Variants in NAV3 observed in about 807,000 individuals in gnomAD.
The protein encoded by NAV3 is neuron navigator 3.
Under a neutral mutation model 244.7 loss-of-function variants are expected in NAV3, and 87 were observed. The observed-to-expected ratio is 0.36, with a 90% CI of 0.30 to 0.42. The LOEUF (loss-of-function observed/expected upper bound fraction) is 0.42, where lower values mean the gene tolerates loss of function less well. Among genes scored for constraint, NAV3 ranks in the 20% least tolerant of loss-of-function variants. NAV3 has a pLI of 1.00. For synonymous variants in NAV3, 1,126 were observed against 1,042.2 expected (o/e 1.08, Z -1.55); for missense variants, 2,663 against 2,893.3 (o/e 0.92, Z 1.83).
chr12:78,196,291 G>T (rs770439497), intron 34 of NAV3, among the ~76,000 whole-genome samples: 17 of 151,868 alleles, frequency 1.1e-4, no homozygotes, highest in Non-Finnish European at 1.9e-4. Context: ...ATTACTAAAT[G>T]CCTCAAAATC....
At chr12:77,826,279 A>C (rs1872999215), upstream of NAV3, among the ~76,000 whole-genome samples, 1 of 152,166 alleles carries the variant, frequency 6.6e-6, no homozygotes, top group Non-Finnish European at 1.5e-5. Flanking sequence ...AGGCCAAGGC[A>C]GGTGGATCAC....
intron 1 of NAV3, among the ~76,000 whole-genome samples, chr12:77,878,143 G>A (rs1347482565): frequency 6.6e-6 from 1 of 152,070 alleles, no homozygotes. Context: ...GTACCTGAAT[G>A]AGAACATGGG....
At chr12:78,161,009 A>G (rs1957522225) in intron 23 of NAV3, among the ~76,000 whole-genome samples, 1 of 151,066 alleles carries the variant, frequency 6.6e-6, no homozygotes, top group African/African-American at 2.4e-5. Context: ...TCACTTCACT[A>G]TGTAATATAA....
intron 17 of NAV3, among the ~76,000 whole-genome samples, chr12:78,127,673 G>C (rs1955976040): frequency 6.6e-6 from 1 of 152,204 alleles, no homozygotes; most frequent in South Asian, 2.1e-4. Flanking sequence ...AATGTTGATA[G>C]GTTGAAGGAT....
At chr12:77,952,894 G>A (rs1891033904) in intron 3 of NAV3, among the ~76,000 whole-genome samples, 1 of 152,016 alleles carries the variant, frequency 6.6e-6, no homozygotes, top group South Asian at 2.1e-4. Context: ...GTTGTTATAT[G>A]TAACTTGAGC....
intron 5 of NAV3, among the ~76,000 whole-genome samples, chr12:77,994,536 A>T (rs1030690372): frequency 1.2e-5 from 1 of 84,508 alleles, no homozygotes; most frequent in African/African-American, 6.5e-5. Flanking sequence ...TTAAAATATT[A>T]ATAATATTAC....
At chr12:77,710,804 G>A (rs1315603027) in intron 2 of NAV3, among the ~76,000 whole-genome samples, 2 of 151,970 alleles carry the variant, frequency 1.3e-5, no homozygotes, top group African/African-American at 4.8e-5. Context: ...AAAAATTTAA[G>A]TCCTCTTTTT....
chr12:77,766,735 G>GTTTTTT lies in NAV3; in HGVS notation c.73-173553_73-173548dup, dbSNP rs748531378. On this transcript the variant is annotated intron_variant, in intron 2 of 8. Transcript: ENST00000550042. ...AGGATTCTAAAAAACAGGCAATTAA[G>GTTTTTT]TTTTTTTTTTTTTTTTTTTTTTTTT... Among the ~76,000 whole-genome samples the GTTTTTT allele has an allele frequency of 1.7e-4, 10 of 60,514 alleles. 1 individual carries two copies. The highest frequency in any genetic ancestry group is 6.3e-4 in the African/African-American group (10 of 15,832). 39.7% of individuals were successfully genotyped at this position (60,514 alleles called of 152,430 possible). A position where few individuals can be genotyped will look rare whatever the true frequency, so the allele number is the denominator to read the frequency against.
intron 1 of NAV3, among the ~76,000 whole-genome samples, chr12:77,888,101 G>A (rs900701590): frequency 2.7e-5 from 4 of 150,818 alleles, no homozygotes; most frequent in African/African-American, 7.3e-5. Flanking sequence ...GGTAAAATAT[G>A]ATGATTTTAA....
chr12:77,802,463 G>A (rs1018013546), intron 2 of NAV3, among the ~76,000 whole-genome samples: 39 of 152,198 alleles, frequency 2.6e-4, no homozygotes, highest in African/African-American at 7.7e-4. Context: ...GGTCATCTGT[G>A]ACTTTTAGGA....
At chr12:77,985,794 C>A (rs937836730) in intron 5 of NAV3, among the ~76,000 whole-genome samples, 1 of 152,034 alleles carries the variant, frequency 6.6e-6, no homozygotes, top group African/African-American at 2.4e-5. Flanking sequence ...TTTCCTGTGC[C>A]TCTGTCTTCA....
chr12:77,837,308 A>T (rs559030896), intron 1 of NAV3, among the ~76,000 whole-genome samples: 2 of 152,038 alleles, frequency 1.3e-5, no homozygotes, highest in South Asian at 4.2e-4. Context: ...GAAGCATAAT[A>T]TTTATGGAAA....
intron 2 of NAV3, among the ~76,000 whole-genome samples, chr12:77,734,279 A>C (rs1375837835): frequency 1.3e-5 from 2 of 151,526 alleles, no homozygotes; most frequent in African/African-American, 4.8e-5. Context: ...TTTTTTCTCC[A>C]ATGCTTGTTG....
At position 78,162,187 on chromosome 12, in the gene NAV3, G is replaced by A. The variant is rs954707775; in HGVS notation, c.4869+2901G>A. On this transcript the variant is annotated intron_variant, in intron 23 of 39. Transcript: ENST00000397909. ...AACATTTAATCATATTTCACTAAAG[G>A]CATTTCTTCAGGGAGCTGAGATAAA... 3.9e-5 allele frequency among the ~76,000 whole-genome samples: 6 copies of A among 152,088 alleles called. 1 individual carries two copies. Among genetic ancestry groups the A allele is most frequent in the South Asian group, 4.1e-4 (2 of 4,828 alleles).
chr12:78,051,110 C>T lies in NAV3; in HGVS notation c.2479C>T (p.Leu827Phe), dbSNP rs2137263149. 6.2e-7 allele frequency: 1 copy of T among 1,612,854 alleles called. No individual in the cohort carries two copies. Among genetic ancestry groups the T allele is most frequent in the Admixed American group, 1.7e-5 (1 of 59,986 alleles). ...TGGATATATGAGTGATGGTGATATCCTTGGGAAAAGTCTCAGGACTGATGA... is the reference window on the plus strand; with the variant it reads ...TGGATATATGAGTGATGGTGATATCTTTGGGAAAAGTCTCAGGACTGATGA... The part of the protein sequence containing the change: ...VGGYMSDGDI[L>F]GKSLRTDDIN... The change falls in exon 11 of 40, where the codon CTT becomes TTT. Residue 827 changes from leucine to phenylalanine, a missense_variant. Transcript: ENST00000397909.
chr12:77,615,266 T>G (rs566151825), intron 2 of NAV3, among the ~76,000 whole-genome samples: 5 of 152,308 alleles, frequency 3.3e-5, no homozygotes, highest in East Asian at 3.9e-4. Context: ...TTTATTTTTT[T>G]GGGTTCGGGA....
chr12:77,925,890 T>G (rs1315482274), intron 1 of NAV3, among the ~76,000 whole-genome samples: 1 of 152,144 alleles, frequency 6.6e-6, no homozygotes, highest in Non-Finnish European at 1.5e-5. Context: ...GTTTTAAAAT[T>G]TTCAGGTATT....
chr12:77,771,997 T>C (rs1870116131), intron 2 of NAV3, among the ~76,000 whole-genome samples: 1 of 152,212 alleles, frequency 6.6e-6, no homozygotes, highest in South Asian at 2.1e-4. Flanking sequence ...TTAATAATAT[T>C]TGATATTGGT....
intron 35 of NAV3, 74 bp downstream of exon 35, chr12:78,197,475 GC>G: frequency 9.2e-7 from 1 of 1,090,460 alleles, no homozygotes; most frequent in Non-Finnish European, 1.3e-6. Flanking sequence ...GTACCTGTAT[GC>G]ATTTTTAAAA....
Sources: allele counts gnomAD v4.1 joint callset (sites outside exome capture counted in the v4.1 genomes callset), GRCh38; gene constraint gnomAD v4.1.1; transcripts MANE v1.5; gene names NCBI Gene and HGNC (gene_info 2026-07-23, HGNC 2026-07-21).